The following SHANK2 variants were observed in gnomAD, a reference collection of about 807,000 sequenced individuals.
The protein encoded by SHANK2 is SH3 and multiple ankyrin repeat domains 2.
SHANK2 carries 43 observed loss-of-function variants against 133.7 expected under a neutral mutation model. That is an observed-to-expected ratio of 0.32 (90% CI 0.25 to 0.41). The LOEUF (loss-of-function observed/expected upper bound fraction) is 0.41. Among genes scored for constraint, SHANK2 ranks in the 10% least tolerant of loss-of-function variants. The pLI is 1.00. For missense variants in SHANK2, 1,994 were observed against 2,235.8 expected, an observed-to-expected ratio of 0.89 and a Z score of 2.18; for synonymous variants, 1,017 against 952.8, an observed-to-expected ratio of 1.07 and a Z score of -1.24.
At chr11:70,824,251 G>A (rs1418231264) in intron 11 of SHANK2, among the ~76,000 whole-genome samples, 1 of 152,114 alleles carries the variant, frequency 6.6e-6, no homozygotes, top group Non-Finnish European at 1.5e-5. Context: ...GCCGCACAGA[G>A]CTGCGCAAAG....
At chr11:70,631,700 T>C (rs1053597219) in intron 17 of SHANK2, 1 of 152,412 alleles carries the variant, frequency 6.6e-6, no homozygotes, top group Non-Finnish European at 1.5e-5. Context: ...GCTGGGGTTA[T>C]AAGAACACAA....
intron 11 of SHANK2, among the ~76,000 whole-genome samples, chr11:70,851,529 A>T (rs2135467707): frequency 6.6e-6 from 1 of 152,278 alleles, no homozygotes; most frequent in East Asian, 1.9e-4. Flanking sequence ...TAATGGGTGG[A>T]GGTGAGGCAG....
chr11:70,494,189 C>G (rs2058936418), intron 21 of SHANK2, among the ~76,000 whole-genome samples: 1 of 152,236 alleles, frequency 6.6e-6, no homozygotes, highest in Admixed American at 6.5e-5. Flanking sequence ...GAGACGTACA[C>G]AACTCTGACA....
chr11:70,599,586 C>G (rs555545189), intron 17 of SHANK2, among the ~76,000 whole-genome samples: 2 of 74,594 alleles, frequency 2.7e-5, no homozygotes, highest in South Asian at 6.2e-4. Context: ...CCAGCCTGGG[C>G]GACAGCGAGA....
At chr11:70,601,057 CTATATCTATATT>C (rs782384331) in intron 17 of SHANK2, among the ~76,000 whole-genome samples, 109 of 136,250 alleles carry the variant, frequency 8.0e-4, no homozygotes, top group East Asian at 2.5e-3. Context: ...ATATCTATAT[CTATATCTATATT>C]TGAGATGGAG....
rs1044421294 is a variant in SHANK2, at chr11:70,500,306, C to T, written c.2308+264G>A. On this transcript the variant is annotated intron_variant, in intron 21 of 25. Coordinates refer to ENST00000601538, the MANE Select transcript of SHANK2 (RefSeq NM_012309.5). This position sits in a 1 kb window ranked among gnomAD's most constrained non-coding sequence, Gnocchi z 4.5. Reference sequence around the variant, plus strand: ...CCCCAGCTGAGACCAAACAGGGGTCCGGCCAGCTTCACGGTCATGACGATG... The same window carrying T: ...CCCCAGCTGAGACCAAACAGGGGTCTGGCCAGCTTCACGGTCATGACGATG... Among the ~76,000 whole-genome samples, 42 of 152,156 alleles carry T rather than the reference C, an allele frequency of 2.8e-4. No individual in the cohort carries two copies. Among genetic ancestry groups the T allele is most frequent in the African/African-American group, 6.7e-4 (28 of 41,522 alleles).
intron 11 of SHANK2, among the ~76,000 whole-genome samples, chr11:70,829,634 CT>C (rs10714637): frequency 0.98 from 148,942 of 152,268 alleles, 72,937 homozygotes; most frequent in East Asian, 1. Context: ...CAGGATGAGG[CT>C]TTGGACACAA....
At chr11:70,820,861 CCT>C (rs781981368) in intron 11 of SHANK2, among the ~76,000 whole-genome samples, 179 bp from the exon 12 acceptor site, 11 of 152,138 alleles carry the variant, frequency 7.2e-5, no homozygotes, top group Non-Finnish European at 1.5e-4. Flanking sequence ...AGAACTCACC[CCT>C]GACATGGAAG....
At position 71,147,107 on chromosome 11, in the gene SHANK2, C is replaced by T. The variant is rs781784786; in HGVS notation, c.207+13G>A. ...GTCCAGATGTGAACCAAAGGGCAGA[C>T]CACGGGGCTCACCGTCTGCTGCAGG... On this transcript the variant is annotated intron_variant, in intron 3 of 25. Transcript: ENST00000601538. 8.4e-5 allele frequency: 130 copies of T among 1,541,246 alleles called. 1 individual carries two copies. The highest frequency in any genetic ancestry group is 9.9e-5 in the Non-Finnish European group (113 of 1,144,294).
At chr11:70,622,405 G>C (rs921075334) in intron 17 of SHANK2, among the ~76,000 whole-genome samples, 1 of 152,168 alleles carries the variant, frequency 6.6e-6, no homozygotes, top group Non-Finnish European at 1.5e-5. Flanking sequence ...GCCGCCAATG[G>C]GGCTTCCTGA....
chr11:71,204,073 C>A (rs1954078326), intron 2 of SHANK2, among the ~76,000 whole-genome samples: 1 of 152,190 alleles, frequency 6.6e-6, no homozygotes, highest in African/African-American at 2.4e-5. Flanking sequence ...CTCTGTGAGT[C>A]CTTCTCATGA....
chr11:70,710,321 A>T (rs1292493751), intron 14 of SHANK2, among the ~76,000 whole-genome samples: 1 of 152,206 alleles, frequency 6.6e-6, no homozygotes, highest in Non-Finnish European at 1.5e-5. Flanking sequence ...ACCACTGCAC[A>T]CAACCTTTGA....
chr11:71,212,847 G>A (rs940426913), intron 2 of SHANK2, among the ~76,000 whole-genome samples: 3 of 152,212 alleles, frequency 2.0e-5, no homozygotes, highest in African/African-American at 4.8e-5. Flanking sequence ...TAACCAGGTC[G>A]GAACAGCAGG....
intron 10 of SHANK2, among the ~76,000 whole-genome samples, chr11:70,918,119 G>GA (rs1287439841): frequency 1.3e-5 from 2 of 151,888 alleles, no homozygotes; most frequent in Admixed American, 1.3e-4. Context: ...CCTGACCCAG[G>GA]AAAGAAAAGC....
rs183382749 is a variant in SHANK2, at chr11:70,815,661, T to C, written c.1493+4703A>G. On this transcript the variant is annotated intron_variant, in intron 12 of 25. Coordinates refer to ENST00000601538, the MANE Select transcript of SHANK2 (RefSeq NM_012309.5). The stretch of plus-strand genomic sequence containing the variant: ...GCACCTCCATGCAGGAAGCAGACCC[T>C]GCCTACAGCTCTGAGCCCAGGCCAG... Among the ~76,000 whole-genome samples, 324 of 152,254 alleles carry C rather than the reference T, an allele frequency of 2.1e-3. 2 individuals are homozygous for C. Among genetic ancestry groups the C allele is most frequent in the African/African-American group, 7.5e-3 (313 of 41,560 alleles).
chr11:70,692,949 G>C (rs568555129), intron 15 of SHANK2, among the ~76,000 whole-genome samples: 1 of 152,332 alleles, frequency 6.6e-6, no homozygotes, highest in South Asian at 2.1e-4. Context: ...TAATGGACAT[G>C]TTCCTTTTGA....
At chr11:71,215,233 C>G (rs1328069482) in intron 2 of SHANK2, among the ~76,000 whole-genome samples, 5 of 152,236 alleles carry the variant, frequency 3.3e-5, no homozygotes, top group African/African-American at 9.6e-5. Flanking sequence ...GGCCCACGCT[C>G]TCTCTGAGCC....
At chr11:70,687,373 G>A (rs1945178737) in intron 15 of SHANK2, among the ~76,000 whole-genome samples, 2 of 152,182 alleles carry the variant, frequency 1.3e-5, no homozygotes, top group Admixed American at 1.3e-4. Context: ...GTTGGAGCAG[G>A]GGTGCAGAGG....
At chr11:70,652,541 T>C (rs2061349996) in intron 17 of SHANK2, among the ~76,000 whole-genome samples, 1 of 151,972 alleles carries the variant, frequency 6.6e-6, no homozygotes, top group Non-Finnish European at 1.5e-5. Context: ...CCGGGTGGGG[T>C]GCATGCATCT....
Sources: allele counts gnomAD v4.1 joint callset (sites outside exome capture counted in the v4.1 genomes callset), GRCh38; gene constraint gnomAD v4.1.1; non-coding constraint Gnocchi (gnomAD v3.1); transcripts MANE v1.5; gene names NCBI Gene and HGNC (gene_info 2026-07-23, HGNC 2026-07-21).